The following MTRR variants were observed in gnomAD, a reference collection of about 807,000 sequenced individuals.
MTRR encodes the protein 5-methyltetrahydrofolate-homocysteine methyltransferase reductase, also known as methionine synthase reductase.
MTRR carries 63 observed loss-of-function variants against 79.2 expected under a neutral mutation model. The ratio of observed to expected loss-of-function variants is 0.80; its 90% CI spans 0.65 to 0.98. MTRR has a LOEUF of 0.98. Ranked by LOEUF, MTRR falls within the 50% of genes least tolerant of loss-of-function variation. The probability of loss-of-function intolerance (pLI) is 0.00; values close to 1 mark genes in which losing one functional copy is unlikely to be tolerated. For missense variants in MTRR, 895 were observed against 839.6 expected, an observed-to-expected ratio of 1.07 and a Z score of -0.82; for synonymous variants, 355 against 313.3, an observed-to-expected ratio of 1.13 and a Z score of -1.41.
intron 1 of MTRR, among the ~76,000 whole-genome samples, chr5:7,855,050 G>A (rs2126576099): frequency 1.3e-5 from 2 of 152,334 alleles, no homozygotes; most frequent in Admixed American, 1.3e-4. Context: ...AATCAACAGT[G>A]TGGGACATTC....
chr5:7,853,338 G>GT (rs1223552237), intron 1 of MTRR, among the ~76,000 whole-genome samples: 1 of 152,146 alleles, frequency 6.6e-6, no homozygotes, highest in Admixed American at 6.5e-5. Context: ...TGCCGTGATT[G>GT]TAAGTTTCCT....
chr5:7,885,609 T>G, intron 6 of MTRR, 92 bp from the exon 7 acceptor site: 1 of 1,193,614 alleles, frequency 8.4e-7, no homozygotes, highest in Non-Finnish European at 1.2e-6. Context: ...ATTAAAATCA[T>G]AATATTGAAA....
chr5:7,869,939 G>T (rs913194627), intron 1 of MTRR: 5 of 658,756 alleles, frequency 7.6e-6, no homozygotes, highest in Non-Finnish European at 9.4e-6. Flanking sequence ...GCCAGGTGCC[G>T]TTCTGGGCGG....
intron 1 of MTRR, 104 bp from the exon 2 acceptor site, chr5:7,870,666 G>A (rs1020358980): frequency 9.9e-6 from 12 of 1,218,258 alleles, no homozygotes; most frequent in Admixed American, 5.7e-5. Context: ...TTCATATTAT[G>A]TGTGGGTATT....
chr5:7,854,324 A>G (rs926999062), intron 1 of MTRR, among the ~76,000 whole-genome samples: 4 of 151,788 alleles, frequency 2.6e-5, no homozygotes, highest in Admixed American at 6.6e-5. Flanking sequence ...CAGAACTAAT[A>G]GGATGTATAT....
chr5:7,871,911 C>T (rs1375755728), intron 2 of MTRR, among the ~76,000 whole-genome samples: 2 of 152,182 alleles, frequency 1.3e-5, no homozygotes, highest in Non-Finnish European at 2.9e-5. Context: ...AAAACCAAAG[C>T]CATCAGTATC....
At chr5:7,861,748 C>T (rs1396893187) in intron 1 of MTRR, 3 of 1,507,040 alleles carry the variant, frequency 2.0e-6, no homozygotes, top group South Asian at 1.3e-5. Flanking sequence ...TTCCTTCCAC[C>T]TTGCATTGAT....
At chr5:7,855,732 G>T (rs1027817354) in intron 1 of MTRR, among the ~76,000 whole-genome samples, 4 of 152,146 alleles carry the variant, frequency 2.6e-5, no homozygotes, top group Admixed American at 6.5e-5. Context: ...AAACAGTAGG[G>T]TTATTAAGAT....
chr5:7,882,106 G>C (rs1735691294), intron 5 of MTRR, among the ~76,000 whole-genome samples: 1 of 152,174 alleles, frequency 6.6e-6, no homozygotes, highest in Non-Finnish European at 1.5e-5. Context: ...ATCATCTTTG[G>C]GCATGGAGGG....
Position 7,871,830 on chromosome 5 carries a change from G to A in MTRR, c.129+907G>A, listed in dbSNP as rs370720348. ...AGGAGACTGCCAGTCAGCAGACTCT[G>A]TCATTCTACAGTAACTTAAGTTCAG... On this transcript the variant is annotated intron_variant, in intron 2 of 14. Coordinates refer to ENST00000440940, the MANE Select transcript of MTRR (RefSeq NM_002454.3). 4.6e-5 allele frequency among the ~76,000 whole-genome samples: 7 copies of A among 152,334 alleles called. No homozygotes were observed. The South Asian group carries it at 1.2e-3, about 27-fold the overall frequency.
intron 11 of MTRR, among the ~76,000 whole-genome samples, chr5:7,894,808 G>C (rs950041017): frequency 2.0e-5 from 3 of 152,152 alleles, no homozygotes; most frequent in Admixed American, 2.0e-4. Context: ...TGTAAGTTCC[G>C]TAAAGACAGG....
At chr5:7,887,781 T>G (rs1736767452) in intron 8 of MTRR, among the ~76,000 whole-genome samples, 1 of 122,936 alleles carries the variant, frequency 8.1e-6, no homozygotes, top group African/African-American at 3.1e-5. Context: ...TATATTTGTG[T>G]GTGTGTGTGT....
chr5:7,893,458 A>G (rs1737981829), intron 11 of MTRR: 1 of 159,904 alleles, frequency 6.3e-6, no homozygotes. Flanking sequence ...ATGGCTGTAA[A>G]TACTTTTACA....
upstream of MTRR, chr5:7,866,026 G>T (rs10059339): frequency 1.7e-3 from 1,170 of 694,752 alleles, 14 homozygotes; most frequent in African/African-American, 0.017. Context: ...TCTGAATTGA[G>T]GTATGTATGA....
intron 4 of MTRR, among the ~76,000 whole-genome samples, chr5:7,876,639 C>T (rs779375800): frequency 5.9e-5 from 9 of 152,198 alleles, no homozygotes; most frequent in East Asian, 1.9e-4. Context: ...AATGGGGTTA[C>T]GAATGCACAC....
chr5:7,872,939 G>T (rs1188705306), intron 2 of MTRR, among the ~76,000 whole-genome samples: 1 of 152,130 alleles, frequency 6.6e-6, no homozygotes, highest in Non-Finnish European at 1.5e-5. Flanking sequence ...GCTCTTAGCA[G>T]TGCTGATTTG....
intron 1 of MTRR, among the ~76,000 whole-genome samples, chr5:7,860,021 T>A (rs1486290386): frequency 6.6e-6 from 1 of 151,132 alleles, no homozygotes; most frequent in African/African-American, 2.4e-5. Context: ...AAGGAGAGAG[T>A]CTGCTCAGCT....
chr5:7,850,962 C>G (rs770834110), upstream of MTRR: 3 of 1,327,776 alleles, frequency 2.3e-6, no homozygotes, highest in East Asian at 8.5e-5. Context: ...CCGAGACGGG[C>G]GGCGGCCTGG....
At chr5:7,862,574 GGAA>G (rs1262385831) in intron 2 of MTRR, among the ~76,000 whole-genome samples, 1 of 151,962 alleles carries the variant, frequency 6.6e-6, no homozygotes, top group Non-Finnish European at 1.5e-5. Flanking sequence ...ATTTTACAGA[GGAA>G]GAAGCAAGCA....
Sources: allele counts gnomAD v4.1 joint callset (sites outside exome capture counted in the v4.1 genomes callset), GRCh38; gene constraint gnomAD v4.1.1; transcripts MANE v1.5; gene names NCBI Gene and HGNC (gene_info 2026-07-23, HGNC 2026-07-21).